CREB3L2: variants seen among roughly 807,000 people sequenced by gnomAD.
CREB3L2 encodes cAMP responsive element binding protein 3 like 2.
CREB3L2 carries 23 observed loss-of-function variants against 57.2 expected under a neutral mutation model. The ratio of observed to expected loss-of-function variants is 0.40; its 90% CI spans 0.29 to 0.57. The LOEUF is 0.57. Among genes scored for constraint, CREB3L2 ranks in the 20% least tolerant of loss-of-function variants. The pLI, the probability that CREB3L2 is intolerant of heterozygous loss-of-function variation, is 0.42. For synonymous variants in CREB3L2, 268 were observed against 265.1 expected, an observed-to-expected ratio of 1.01 and a Z score of -0.11; for missense variants, 628 against 634.7, an observed-to-expected ratio of 0.99 and a Z score of 0.11.
At chr7:137,914,370 G>A (rs1317688801) in intron 3 of CREB3L2, among the ~76,000 whole-genome samples, 1 of 152,054 alleles carries the variant, frequency 6.6e-6, no homozygotes, top group Admixed American at 6.6e-5. Flanking sequence ...TGTGGCTCAC[G>A]CCTGTAATCC....
rs756184734 is a variant in CREB3L2 at position 137,905,722 on chromosome 7, G to C, written c.895C>G (p.Arg299Gly). 6.2e-7 allele frequency: 1 copy of C among 1,614,116 alleles called. No individual in the cohort carries two copies. Residue 299 changes from arginine (R) to glycine (G), a missense_variant, in exon 6 of 12, where the codon CGG becomes GGG. This residue lies in a region of CREB3L2 where 17 missense variants were observed against 36.6 expected (regional missense o/e 0.46). Coordinates refer to ENST00000330387, the MANE Select transcript of CREB3L2 (RefSeq NM_194071.4). ...KSEEKALKKI[R>G]RKIKNKISAQ... ...CTCACCTTATTCTTGATCTTCCTCC[G>C]AATTTTCTTCAGGGCCTTCTCCTCT... is the stretch of plus-strand genomic sequence containing the variant.
Position 137,882,493 on chromosome 7 carries a change from G to T in CREB3L2, c.1406C>A (p.Pro469Gln), listed in dbSNP as rs375939444. Residue 469 changes from proline (P) to glutamine (Q), a missense_variant, in exon 11 of 12, where the codon CCG (proline) becomes CAG (glutamine). This residue lies in a region of CREB3L2 where 272 missense variants were observed against 242.7 expected (regional missense o/e 1.12). Transcript: ENST00000330387. ...LLRVSGLESR[P>Q]DVDLPHFIIS... The stretch of plus-strand genomic sequence containing the variant: ...AATGAAATGGGGAAGATCCACATCC[G>T]GCCTGGACTCCAGCCCTGACACCCT... 4.9e-5 allele frequency: 79 copies of T among 1,613,846 alleles called. No homozygotes were observed. The highest frequency in any genetic ancestry group is 6.7e-5 in the Non-Finnish European group (79 of 1,179,908).
intron 8 of CREB3L2, among the ~76,000 whole-genome samples, chr7:137,895,455 G>A (rs1585599861): frequency 6.6e-6 from 1 of 152,292 alleles, no homozygotes; most frequent in South Asian, 2.1e-4. Flanking sequence ...CAAAGGAAGT[G>A]TGAAGGTGCT....
intron 1 of CREB3L2, among the ~76,000 whole-genome samples, chr7:137,967,178 C>T (rs1339938688): frequency 6.6e-6 from 1 of 152,222 alleles, no homozygotes; most frequent in Non-Finnish European, 1.5e-5. Context: ...CTCACCAGAG[C>T]TCAACTATGC....
intron 1 of CREB3L2, among the ~76,000 whole-genome samples, chr7:137,933,570 A>G (rs1008491365): frequency 2.6e-5 from 4 of 152,218 alleles, no homozygotes; most frequent in Admixed American, 2.6e-4. Flanking sequence ...ACCATTCAGC[A>G]CTAACGATAG....
At chr7:137,899,108 G>A (rs1218601368) in intron 8 of CREB3L2, among the ~76,000 whole-genome samples, 4 of 40,958 alleles carry the variant, frequency 9.8e-5, no homozygotes, top group Non-Finnish European at 2.3e-4. Context: ...AAGGAAGGAA[G>A]GAAGGAAGGA....
chr7:137,985,885 C>T (rs1801784499), intron 1 of CREB3L2, among the ~76,000 whole-genome samples: 1 of 152,154 alleles, frequency 6.6e-6, no homozygotes, highest in African/African-American at 2.4e-5. Flanking sequence ...AGGTCTTTTT[C>T]CCTAAATGCC....
chr7:137,938,045 C>G (rs1404186082), intron 1 of CREB3L2, among the ~76,000 whole-genome samples: 1 of 152,010 alleles, frequency 6.6e-6, no homozygotes, highest in Admixed American at 6.5e-5. Flanking sequence ...ATAGGTGGAC[C>G]ACAGATGATT....
rs765755617 is a variant in CREB3L2, at chr7:137,875,554, C to T, written c.*4922G>A. The T allele has an allele frequency of 4.5e-6, 1 of 223,712 alleles. No homozygotes were observed. Among genetic ancestry groups the T allele is most frequent in the Non-Finnish European group, 8.9e-6 (1 of 111,968 alleles). The allele number at this position is 223,712 out of a possible 1,614,324, so 13.9% of individuals were successfully genotyped here. On this transcript the variant is annotated 3_prime_UTR_variant, in exon 12 of 12. Transcript: ENST00000330387. ...GAACAAAAAGATAGGAGATGGACAC[C>T]TGGGGGACTGCTCCAGCACGAAGGG...
intron 8 of CREB3L2, among the ~76,000 whole-genome samples, chr7:137,895,650 A>AAAAAAAAAAAAAAAAAAG (rs1295924394): frequency 1.8e-4 from 27 of 150,292 alleles, no homozygotes; most frequent in African/African-American, 6.0e-4. Context: ...TACAAAAAAA[A>AAAAAAAAAAAAAAAAAAG]AAAGAAAGAA....
rs117306306 is a variant in CREB3L2 at position 137,918,048 on chromosome 7, G to A, written c.320-2036C>T. ...ACTGGACCACGAGCCAAAAGATTCCGTTGACTCTCCCCAAAGGAGCTTAGG... is the reference window on the plus strand; with the variant it reads ...ACTGGACCACGAGCCAAAAGATTCCATTGACTCTCCCCAAAGGAGCTTAGG... On this transcript the variant is annotated intron_variant, in intron 2 of 11. Transcript: ENST00000330387. Among the ~76,000 whole-genome samples the A allele has an allele frequency of 5.9e-3, 894 of 152,246 alleles. 5 individuals carry two copies. Among genetic ancestry groups the A allele is most frequent in the Admixed American group, 9.0e-3 (138 of 15,292 alleles).
At chr7:137,923,836 T>A (rs1800387965) in intron 2 of CREB3L2, among the ~76,000 whole-genome samples, 1 of 152,204 alleles carries the variant, frequency 6.6e-6, no homozygotes, top group Non-Finnish European at 1.5e-5. Context: ...AGTGCACACC[T>A]TCCCTGTTCT....
In CREB3L2 at chr7:137,935,588, C is replaced by A. The variant is rs534220250; in HGVS notation, c.103-7222G>T. ...TCACTAGGCCTTCCAAACTCTATGG[C>A]CCAGATGTAAACCGTTTACCCACCC... On this transcript the variant is annotated intron_variant, in intron 1 of 11. Transcript: ENST00000330387. 2.3e-4 allele frequency among the ~76,000 whole-genome samples: 35 copies of A among 152,276 alleles called. 1 individual carries two copies. Among genetic ancestry groups the A allele is most frequent in the Admixed American group, 1.2e-3 (18 of 15,308 alleles).
intron 4 of CREB3L2, among the ~76,000 whole-genome samples, chr7:137,909,904 C>T (rs1799971531): frequency 6.6e-6 from 1 of 152,142 alleles, no homozygotes; most frequent in Non-Finnish European, 1.5e-5. Flanking sequence ...AGTAAATAAG[C>T]CTCATGAGAT....
intron 1 of CREB3L2, among the ~76,000 whole-genome samples, chr7:137,967,402 G>A (rs1020062929): frequency 1.3e-5 from 2 of 152,094 alleles, no homozygotes; most frequent in Admixed American, 6.5e-5. Context: ...TTGGGCCAAG[G>A]ACTCAGGAAG....
chr7:137,952,327 T>C (rs1012529202), intron 1 of CREB3L2, among the ~76,000 whole-genome samples: 2 of 152,166 alleles, frequency 1.3e-5, no homozygotes, highest in East Asian at 3.9e-4. Context: ...TCTCCTTGTG[T>C]TTGATTTCTA....
chr7:137,969,030 C>G (rs1406306226), intron 1 of CREB3L2, among the ~76,000 whole-genome samples: 1 of 152,186 alleles, frequency 6.6e-6, no homozygotes. Flanking sequence ...CCCCATAAAA[C>G]AGCATGTGTC....
chr7:137,941,981 CA>C (rs1462915611), intron 1 of CREB3L2, among the ~76,000 whole-genome samples: 4 of 152,088 alleles, frequency 2.6e-5, no homozygotes, highest in East Asian at 1.9e-4. Flanking sequence ...ATTTGCTTAC[CA>C]GGGGGCTCAT....
At chr7:137,973,653 C>T (rs899501724) in intron 1 of CREB3L2, among the ~76,000 whole-genome samples, 4 of 150,610 alleles carry the variant, frequency 2.7e-5, no homozygotes, top group Admixed American at 6.6e-5. Flanking sequence ...CCTAATGCCA[C>T]GAGGCAAAAA....
Sources: gnomAD v4.1 joint callset for allele counts (sites outside exome capture counted in the v4.1 genomes callset) on GRCh38, gnomAD v4.1.1 for gene constraint, gnomAD v4.1.1 regional missense constraint, MANE v1.5 for transcripts, NCBI Gene and HGNC (gene_info 2026-07-23, HGNC 2026-07-21) for gene names.